Variants in NSG2 observed in about 807,000 individuals in gnomAD.
NSG2 encodes the protein neuronal vesicle trafficking-associated protein 2.
Under a neutral mutation model 16.9 loss-of-function variants are expected in NSG2, and 4 were observed. The observed-to-expected ratio is 0.24, with a 90% confidence interval of 0.12 to 0.54. The LOEUF is 0.54. NSG2 is among the 20% of genes least tolerant of loss of function. The pLI, the probability that NSG2 is intolerant of heterozygous loss-of-function variation, is 0.95. For missense variants in NSG2, 179 were observed against 221.1 expected, an observed-to-expected ratio of 0.81 and a Z score of 1.21; for synonymous variants, 98 against 88.7, an observed-to-expected ratio of 1.11 and a Z score of -0.59.
At chr5:174,092,365 T>C (rs1760733517) in intron 3 of NSG2, among the ~76,000 whole-genome samples, 2 of 152,236 alleles carry the variant, frequency 1.3e-5, no homozygotes, top group South Asian at 4.1e-4. Flanking sequence ...AAATGATCCC[T>C]GTCAAAGGTG....
At chr5:174,078,107 C>G (rs1760379212) in intron 3 of NSG2, among the ~76,000 whole-genome samples, 1 of 152,190 alleles carries the variant, frequency 6.6e-6, no homozygotes. Flanking sequence ...ATTTCAAGTA[C>G]TTAGTAGCCA....
intron 3 of NSG2, among the ~76,000 whole-genome samples, chr5:174,080,525 TTCTCTC>T (rs72447938): frequency 4.9e-4 from 61 of 125,286 alleles, no homozygotes; most frequent in Non-Finnish European, 7.3e-4. Flanking sequence ...CTTTCTTTCT[TTCTCTC>T]TCTCTCTCTC....
intron 3 of NSG2, among the ~76,000 whole-genome samples, chr5:174,076,448 A>AAG (rs1479054842): frequency 6.6e-6 from 1 of 152,158 alleles, no homozygotes; most frequent in African/African-American, 2.4e-5. Context: ...AAGAGAGACG[A>AAG]AGAGAGAGAG....
rs959646512 is a variant in NSG2 at position 174,100,501 on chromosome 5, C to G, written c.214-3727C>G. On this transcript the variant is annotated intron_variant, in intron 3 of 4. Coordinates refer to ENST00000303177, the MANE Select transcript of NSG2 (RefSeq NM_015980.5). ...TTACCTGGACAGCCTTGTCCTGGAC[C>G]CATGGAATTAGAATCCATGGGGGTG... Among the ~76,000 whole-genome samples the G allele has an allele frequency of 2.6e-5, 4 of 152,280 alleles. No individual in the cohort carries two copies. In the East Asian group the frequency reaches 5.8e-4, roughly 22 times the overall value.
chr5:174,069,845 A>T (rs1760203994), intron 3 of NSG2, among the ~76,000 whole-genome samples: 1 of 147,812 alleles, frequency 6.8e-6, no homozygotes, highest in African/African-American at 2.5e-5. Flanking sequence ...TCCTGGAGGC[A>T]CGTGTTTGCT....
At chr5:174,099,624 C>G (rs1760868411) in intron 3 of NSG2, among the ~76,000 whole-genome samples, 1 of 152,214 alleles carries the variant, frequency 6.6e-6, no homozygotes, top group African/African-American at 2.4e-5. Context: ...CCCAGGCCCC[C>G]AGGCTTCCCC....
chr5:174,078,177 C>G (rs553401963), intron 3 of NSG2, among the ~76,000 whole-genome samples: 1 of 152,278 alleles, frequency 6.6e-6, no homozygotes, highest in South Asian at 2.1e-4. Flanking sequence ...TCCATCATTG[C>G]AGAAAGTTCT....
Position 174,104,352 on chromosome 5 carries a change from G to T in NSG2, c.324+14G>T. 6.4e-7 allele frequency: 1 copy of T among 1,559,772 alleles called. No individual in the cohort carries two copies. Among genetic ancestry groups the T allele is most frequent in the South Asian group, 1.1e-5 (1 of 89,918 alleles). On this transcript the variant is annotated intron_variant, in intron 4 of 4. Transcript: ENST00000303177. ...TTCGTCTATAAGGTAAGAGGTGGTT[G>T]AGTAGTCCCAGGTCACTATCAAATT...
chr5:174,091,035 CTT>C (rs1394936348), intron 3 of NSG2, among the ~76,000 whole-genome samples: 4 of 139,610 alleles, frequency 2.9e-5, no homozygotes, highest in Non-Finnish European at 4.6e-5. Flanking sequence ...TCCCCTTCTT[CTT>C]CCTTTTTTTT....
At chr5:174,054,915 A>T (rs1303981140) in intron 2 of NSG2, among the ~76,000 whole-genome samples, 6 of 152,216 alleles carry the variant, frequency 3.9e-5, no homozygotes, top group Non-Finnish European at 7.3e-5. Flanking sequence ...TCATGACACT[A>T]GTATCTTTCT....
intron 2 of NSG2, among the ~76,000 whole-genome samples, chr5:174,061,057 ACCCCAAG>A (rs1220655501): frequency 6.6e-6 from 1 of 152,010 alleles, no homozygotes; most frequent in African/African-American, 2.4e-5. Flanking sequence ...AGCAATTATT[ACCCCAAG>A]GCTTGTGGCT....
At chr5:174,097,371 A>G (rs1412034237) in intron 3 of NSG2, among the ~76,000 whole-genome samples, 1 of 151,782 alleles carries the variant, frequency 6.6e-6, no homozygotes, top group Non-Finnish European at 1.5e-5. Flanking sequence ...AGGAGGAGAC[A>G]TGCAGGTGCT....
chr5:174,092,860 G>A (rs1760741913), intron 3 of NSG2, among the ~76,000 whole-genome samples: 1 of 152,098 alleles, frequency 6.6e-6, no homozygotes, highest in Non-Finnish European at 1.5e-5. Flanking sequence ...GTGTAAAATG[G>A]GATGGAACAG....
chr5:174,054,782 G>A (rs1295566719), intron 2 of NSG2, among the ~76,000 whole-genome samples: 1 of 152,200 alleles, frequency 6.6e-6, no homozygotes, highest in Non-Finnish European at 1.5e-5. Flanking sequence ...AGATCACTGT[G>A]AAGCCAGTGT....
In NSG2 at chr5:174,046,736, C is replaced by T; in HGVS notation, c.-20C>T. 6.2e-7 allele frequency: 1 copy of T among 1,613,748 alleles called. No homozygotes were observed. Among genetic ancestry groups the T allele is most frequent in the Non-Finnish European group, 8.5e-7 (1 of 1,179,918 alleles). ...CAGAATCCCACTGCTTGCCTTAGGT[C>T]TGGGAAGAAAGGCGTAAGGATGGTG... On this transcript the variant is annotated splice_region_variant and 5_prime_UTR_variant, in exon 2 of 5. Transcript: ENST00000303177.
chr5:174,067,348 T>G (rs1760159642), intron 3 of NSG2, among the ~76,000 whole-genome samples: 1 of 151,536 alleles, frequency 6.6e-6, no homozygotes, highest in South Asian at 2.1e-4. Flanking sequence ...GCGGCCTCTC[T>G]GCTCAGCCAT....
chr5:174,051,932 G>A (rs1328251407), intron 2 of NSG2, among the ~76,000 whole-genome samples: 1 of 152,168 alleles, frequency 6.6e-6, no homozygotes, highest in Non-Finnish European at 1.5e-5. Context: ...GTCAAATGGT[G>A]GGGAGAGACT....
At chr5:174,049,018 G>A (rs1200022780) in intron 2 of NSG2, among the ~76,000 whole-genome samples, 1 of 152,050 alleles carries the variant, frequency 6.6e-6, no homozygotes, top group Admixed American at 6.6e-5. Context: ...GTTAGATGTG[G>A]CATTATACGT....
intron 4 of NSG2, among the ~76,000 whole-genome samples, chr5:174,106,749 C>A (rs1394205277): frequency 2.0e-5 from 3 of 151,910 alleles, no homozygotes; most frequent in African/African-American, 7.3e-5. Context: ...TGTGCACCAC[C>A]ATGCCCAGCT....
Sources: allele counts gnomAD v4.1 joint callset (sites outside exome capture counted in the v4.1 genomes callset), GRCh38; gene constraint gnomAD v4.1.1; transcripts MANE v1.5; gene names NCBI Gene and HGNC (gene_info 2026-07-23, HGNC 2026-07-21).